The following DAB2 variants were observed in gnomAD, a reference collection of about 807,000 sequenced individuals.
DAB2 encodes disabled homolog 2.
In DAB2, 28 loss-of-function variants were observed where a neutral mutation model predicts 71.6. That is an observed-to-expected ratio of 0.39 (90% CI 0.29 to 0.54). The LOEUF (loss-of-function observed/expected upper bound fraction) is 0.54. Ranked by LOEUF, DAB2 falls within the 20% of genes least tolerant of loss-of-function variation. The pLI, the probability that DAB2 is intolerant of heterozygous loss-of-function variation, is 0.68. For missense variants in DAB2, 867 were observed against 928.8 expected (o/e 0.93, Z 0.86); for synonymous variants, 345 against 339.7 (o/e 1.02, Z -0.17).
In DAB2 at chr5:39,382,549, C is replaced by G; in HGVS notation, c.1341+69G>C. On this transcript the variant is annotated intron_variant, in intron 10 of 14. Transcript: ENST00000320816. ...ACTACGAGAGCAGCAGGAAAGAGAG[C>G]TTGCATCACACCACCCTTTGGTACC... The G allele has an allele frequency of 2.1e-6, 3 of 1,457,070 alleles. No homozygotes were observed. The Admixed American group carries it at 5.6e-5, about 27-fold the overall frequency. The allele number at this position is 1,457,070 out of a possible 1,614,324, so 90.3% of individuals were successfully genotyped here.
rs16868776 is a variant in DAB2, at chr5:39,392,262, C to A, written c.330+103G>T. The A allele has an allele frequency of 0.022, 17,671 of 802,256 alleles. 524 individuals are homozygous for A. Among genetic ancestry groups the A allele is most frequent in the African/African-American group, 0.12 (6,888 of 59,024 alleles). The allele number at this position is 802,256 out of a possible 1,614,324, so 49.7% of individuals were successfully genotyped here. Reference sequence around the variant, plus strand: ...GATGTAATATATGATATATTTGTTCCCCACAGAACTTTGAGAACGAAGAAG... The same window carrying A: ...GATGTAATATATGATATATTTGTTCACCACAGAACTTTGAGAACGAAGAAG... On this transcript the variant is annotated intron_variant, in intron 4 of 14. Coordinates refer to ENST00000320816, the MANE Select transcript of DAB2 (RefSeq NM_001343.4).
intron 1 of DAB2, among the ~76,000 whole-genome samples, chr5:39,405,087 C>G (rs560119749): frequency 6.6e-6 from 1 of 152,210 alleles, no homozygotes; most frequent in African/African-American, 2.4e-5. Flanking sequence ...TCTGGCCTCT[C>G]GGCAAAGCTG....
intron 1 of DAB2, among the ~76,000 whole-genome samples, chr5:39,413,844 T>A (rs935654828): frequency 6.6e-6 from 1 of 152,196 alleles, no homozygotes; most frequent in South Asian, 2.1e-4. Flanking sequence ...AAGTCTACAG[T>A]CTAACTTGGG....
At chr5:39,385,617 G>A (rs769258776) in intron 9 of DAB2, among the ~76,000 whole-genome samples, 5 of 152,128 alleles carry the variant, frequency 3.3e-5, no homozygotes, top group Non-Finnish European at 4.4e-5. Context: ...CACCTGAGCC[G>A]CACGCACTGG....
At chr5:39,395,259 G>A (rs1355694589) in intron 1 of DAB2, among the ~76,000 whole-genome samples, 2 of 152,096 alleles carry the variant, frequency 1.3e-5, no homozygotes, top group East Asian at 3.9e-4. Context: ...GAGCTAGGGC[G>A]AGTAGATTAA....
At chr5:39,391,049 C>T (rs1755215908) in intron 4 of DAB2, among the ~76,000 whole-genome samples, 1 of 152,160 alleles carries the variant, frequency 6.6e-6, no homozygotes, top group Non-Finnish European at 1.5e-5. Flanking sequence ...ACCGTATTCC[C>T]AGTATATTCT....
intron 1 of DAB2, among the ~76,000 whole-genome samples, chr5:39,409,131 TA>T (rs893104991): frequency 1.2e-3 from 163 of 140,730 alleles, no homozygotes; most frequent in East Asian, 4.3e-3. Context: ...TTATGATTAT[TA>T]AAAAAAAAAA....
In DAB2 at chr5:39,414,258, T is replaced by G. The variant is rs1336831902; in HGVS notation, c.-102+10546A>C. On this transcript the variant is annotated intron_variant, in intron 1 of 14. Coordinates refer to ENST00000320816, the MANE Select transcript of DAB2 (RefSeq NM_001343.4). ...GCCTAATGGATATCTTAATTCACAATACAGCTGCACAGGGAAATAAGAAAC... is the reference window on the plus strand; with the variant it reads ...GCCTAATGGATATCTTAATTCACAAGACAGCTGCACAGGGAAATAAGAAAC... 2.0e-5 allele frequency among the ~76,000 whole-genome samples: 3 copies of G among 152,100 alleles called. No individual in the cohort carries two copies. In the East Asian group the frequency reaches 5.8e-4, roughly 29 times the overall value.
At chr5:39,404,508 T>C (rs1372279217) in intron 1 of DAB2, among the ~76,000 whole-genome samples, 1 of 149,276 alleles carries the variant, frequency 6.7e-6, no homozygotes, top group Non-Finnish European at 1.5e-5. Flanking sequence ...AAAGAACGTT[T>C]AGAAGAGTTT....
chr5:39,420,509 A>C (rs765797945), intron 1 of DAB2, among the ~76,000 whole-genome samples: 2 of 152,172 alleles, frequency 1.3e-5, no homozygotes, highest in Non-Finnish European at 2.9e-5. Context: ...ACACTCACTC[A>C]GCCTGCCCCA....
chr5:39,403,004 C>G (rs561072635), intron 1 of DAB2, among the ~76,000 whole-genome samples: 76 of 152,194 alleles, frequency 5.0e-4, no homozygotes, highest in African/African-American at 1.8e-3. Flanking sequence ...CATGGCATTC[C>G]CAGATAAATT....
intron 1 of DAB2, among the ~76,000 whole-genome samples, chr5:39,413,964 A>C (rs1755788639): frequency 6.6e-6 from 1 of 152,200 alleles, no homozygotes. Flanking sequence ...CACATAGAAC[A>C]GTGCCCATAG....
At chr5:39,378,717 G>A (rs1233222323) in intron 11 of DAB2, among the ~76,000 whole-genome samples, 1 of 152,186 alleles carries the variant, frequency 6.6e-6, no homozygotes, top group Non-Finnish European at 1.5e-5. Flanking sequence ...AAATTGGGAA[G>A]GTCATAGTCT....
rs758752492 is a variant in DAB2 at position 39,383,126 on chromosome 5, T to C, written c.833A>G (p.Asn278Ser). 6 of 1,614,048 alleles carry C rather than the reference T, an allele frequency of 3.7e-6. No homozygotes were observed. In the East Asian group the frequency reaches 1.3e-4, roughly 36 times the overall value. ...PTPQASFLPE[N>S]AFSANLNFFP... Reference sequence around the variant, plus strand: ...GAAGTTGAGATTGGCAGAAAAGGCATTTTCAGGCAAGAAGGATGCCTGAGG... The same window carrying C: ...GAAGTTGAGATTGGCAGAAAAGGCACTTTCAGGCAAGAAGGATGCCTGAGG... The change falls in exon 10 of 15, where the codon AAT (asparagine) becomes AGT (serine). Residue 278 changes from asparagine to serine, a missense_variant. Physicochemically the swap from Asn to Ser is conservative, Grantham distance 46 (BLOSUM62 1). Coordinates refer to ENST00000320816, the MANE Select transcript of DAB2 (RefSeq NM_001343.4).
rs1424612125 is a variant in DAB2, at chr5:39,422,415, C to A, written c.-102+2389G>T. 3.3e-5 allele frequency among the ~76,000 whole-genome samples: 5 copies of A among 152,204 alleles called. No homozygotes were observed. Among genetic ancestry groups the A allele is most frequent in the Non-Finnish European group, 5.9e-5 (4 of 68,038 alleles). ...CTCTCAGCAGCTTTCCCAAGCATTT[C>A]AGCATCTTGGCTTTGTCTTTAAGAA... On this transcript the variant is annotated intron_variant, in intron 1 of 14. Coordinates refer to ENST00000320816, the MANE Select transcript of DAB2 (RefSeq NM_001343.4). This position sits in a 1 kb window ranked among gnomAD's most constrained non-coding sequence, Gnocchi z 4.1.
At chr5:39,405,760 C>G (rs1288627895) in intron 1 of DAB2, among the ~76,000 whole-genome samples, 2 of 152,184 alleles carry the variant, frequency 1.3e-5, no homozygotes, top group Non-Finnish European at 2.9e-5. Context: ...CCATTTTGTA[C>G]TTGTCCCTGG....
At chr5:39,397,432 G>T (rs572362189) in intron 1 of DAB2, among the ~76,000 whole-genome samples, 1 of 152,228 alleles carries the variant, frequency 6.6e-6, no homozygotes, top group Admixed American at 6.5e-5. Flanking sequence ...GGTGGTAGCT[G>T]CTTTCTGTAG....
intron 1 of DAB2, chr5:39,408,624 T>G (rs1241520130): frequency 6.6e-6 from 1 of 152,222 alleles, no homozygotes; most frequent in African/African-American, 2.4e-5. Context: ...TAAAAAATGG[T>G]TCTTCATGAT....
chr5:39,387,483 C>T lies in DAB2; in HGVS notation c.687+822G>A, dbSNP rs370328656. The stretch of plus-strand genomic sequence containing the variant: ...TTAGTTTTAATGTTGGTCTCCCTGC[C>T]GGAGAGTAAATTCCATGATGTCATT... On this transcript the variant is annotated intron_variant, in intron 9 of 14. Transcript: ENST00000320816. 3.3e-5 allele frequency among the ~76,000 whole-genome samples: 5 copies of T among 152,162 alleles called. No individual in the cohort carries two copies. The South Asian group carries it at 8.3e-4, about 25-fold the overall frequency.
Sources: allele counts gnomAD v4.1 joint callset (sites outside exome capture counted in the v4.1 genomes callset), GRCh38; gene constraint gnomAD v4.1.1; non-coding constraint Gnocchi (gnomAD v3.1); transcripts MANE v1.5; gene names NCBI Gene and HGNC (gene_info 2026-07-23, HGNC 2026-07-21).